Variants in PRKN observed in about 807,000 individuals in gnomAD.
PRKN encodes the protein parkin RBR E3 ubiquitin protein ligase, also known as E3 ubiquitin-protein ligase parkin.
PRKN carries 56 observed loss-of-function variants against 59.5 expected under a neutral mutation model. The ratio of observed to expected loss-of-function variants is 0.94; its 90% confidence interval spans 0.76 to 1.18. PRKN has a LOEUF of 1.18. Ranked by LOEUF, PRKN falls within the 50% of genes most tolerant of loss-of-function variation. The pLI is 0.00. For synonymous variants in PRKN, 250 were observed against 222.1 expected, an observed-to-expected ratio of 1.13 and a Z score of -1.12; for missense variants, 657 against 596.4, an observed-to-expected ratio of 1.10 and a Z score of -1.06.
chr6:162,561,518 T>C (rs561354859), intron 1 of PRKN, among the ~76,000 whole-genome samples: 1 of 152,236 alleles, frequency 6.6e-6, no homozygotes, highest in Admixed American at 6.5e-5. Flanking sequence ...CTCATGGTAC[T>C]TGATTTCCAC....
At chr6:162,356,854 C>T (rs1473877566) in intron 2 of PRKN, among the ~76,000 whole-genome samples, 1 of 150,368 alleles carries the variant, frequency 6.7e-6, no homozygotes, top group East Asian at 1.9e-4. Flanking sequence ...GACAAAGAGG[C>T]AAAGGCAATA....
intron 1 of PRKN, among the ~76,000 whole-genome samples, chr6:162,555,954 C>G (rs1004351305): frequency 3.9e-5 from 5 of 128,526 alleles, no homozygotes; most frequent in South Asian, 2.5e-4. Context: ...TGGCTCCAGC[C>G]TGGGCAACAA....
chr6:162,138,918 T>C (rs895898598), intron 4 of PRKN, among the ~76,000 whole-genome samples: 1 of 151,772 alleles, frequency 6.6e-6, no homozygotes, highest in South Asian at 2.1e-4. Context: ...ACAGGAGAAA[T>C]TGGTGCTGCC....
intron 4 of PRKN, among the ~76,000 whole-genome samples, chr6:162,168,083 A>C (rs1783071135): frequency 1.3e-5 from 2 of 152,208 alleles, no homozygotes; most frequent in Admixed American, 1.3e-4. Flanking sequence ...TTCTTGGAGT[A>C]AAATTCAAGG....
intron 5 of PRKN, among the ~76,000 whole-genome samples, chr6:162,019,067 T>G (rs1431613393): frequency 2.0e-5 from 3 of 152,160 alleles, no homozygotes; most frequent in African/African-American, 7.2e-5. Flanking sequence ...TACTGACTCA[T>G]ACAACATTTC....
At chr6:161,387,611 TAATATTTGTTTACATTC>T (rs1236374379) in intron 9 of PRKN, among the ~76,000 whole-genome samples, 1 of 152,252 alleles carries the variant, frequency 6.6e-6, no homozygotes, top group Non-Finnish European at 1.5e-5. Context: ...ACATTCCCTT[TAATATTTGTTTACATTC>T]AATATTTGTT....
rs1319438074 is a variant in PRKN at position 161,461,248 on chromosome 6, G to T, written c.1084-74371C>A. Among the ~76,000 whole-genome samples, 1 of 152,210 alleles carries T rather than the reference G, an allele frequency of 6.6e-6. No homozygotes were observed. Among genetic ancestry groups the T allele is most frequent in the African/African-American group, 2.4e-5 (1 of 41,446 alleles). On this transcript the variant is annotated intron_variant, in intron 9 of 11. Transcript: ENST00000366898. The surrounding 1 kb of genome is among the most constrained non-coding windows in gnomAD (Gnocchi z 5.1). Reference sequence around the variant, plus strand: ...TGGAGGTCTGAAAAGTACTCAGTGAGTTCCGGACCCGGAAATGGTTCAACA... The same window carrying T: ...TGGAGGTCTGAAAAGTACTCAGTGATTTCCGGACCCGGAAATGGTTCAACA...
At chr6:161,883,029 C>CAA (rs1295265349) in intron 6 of PRKN, among the ~76,000 whole-genome samples, 2 of 109,662 alleles carry the variant, frequency 1.8e-5, no homozygotes, top group African/African-American at 9.3e-5. Context: ...ACAACAACAA[C>CAA]AACAAAAAAA....
intron 7 of PRKN, among the ~76,000 whole-genome samples, chr6:161,606,668 T>G (rs1432902187): frequency 1.3e-5 from 2 of 152,172 alleles, no homozygotes; most frequent in Non-Finnish European, 2.9e-5. Flanking sequence ...AAAGCCTCAC[T>G]GTCTGCAGAA....
chr6:161,851,991 G>A (rs1793455924), intron 6 of PRKN, among the ~76,000 whole-genome samples: 1 of 151,268 alleles, frequency 6.6e-6, no homozygotes, highest in South Asian at 2.1e-4. Flanking sequence ...AGAGGCTGAG[G>A]CAGGAGAATC....
intron 1 of PRKN, among the ~76,000 whole-genome samples, chr6:162,697,909 C>T (rs915888535): frequency 6.6e-6 from 1 of 152,122 alleles, no homozygotes; most frequent in Non-Finnish European, 1.5e-5. Context: ...ATAAGGAGTA[C>T]TGAGTTGAAG....
chr6:161,627,645 GGT>G (rs1400197663), intron 7 of PRKN, among the ~76,000 whole-genome samples: 5 of 152,162 alleles, frequency 3.3e-5, no homozygotes, highest in Non-Finnish European at 7.4e-5. Flanking sequence ...GAGAATGAGT[GGT>G]GTTTCATGTC....
chr6:162,057,556 G>T (rs552392669), intron 4 of PRKN, among the ~76,000 whole-genome samples: 1 of 152,172 alleles, frequency 6.6e-6, no homozygotes, highest in Admixed American at 6.5e-5. Flanking sequence ...CCTTGATCAC[G>T]TTCATCAGCC....
At chr6:161,973,143 G>A (rs146563707) in intron 6 of PRKN, among the ~76,000 whole-genome samples, 159 bp downstream of exon 6, 469 of 152,136 alleles carry the variant, frequency 3.1e-3, no homozygotes, top group African/African-American at 9.0e-3. Flanking sequence ...TTGGGCAGAC[G>A]CATCAAAATA....
At chr6:162,298,884 C>T (rs1239052930) in intron 2 of PRKN, among the ~76,000 whole-genome samples, 2 of 152,132 alleles carry the variant, frequency 1.3e-5, no homozygotes, top group Non-Finnish European at 2.9e-5. Context: ...GGAGGTGCTG[C>T]CCCGCCATGT....
rs950001273 is a variant in PRKN, at chr6:161,471,993, A to T, written c.1083+76861T>A. On this transcript the variant is annotated intron_variant, in intron 9 of 11. Transcript: ENST00000366898. This position sits in a 1 kb window ranked among gnomAD's most constrained non-coding sequence, Gnocchi z 4.5. ...AAAAATACTGAAGCCTATGAAGAAGAAGTTCTCTCTCATTTGAAAAATTTT... is the reference window on the plus strand; with the variant it reads ...AAAAATACTGAAGCCTATGAAGAAGTAGTTCTCTCTCATTTGAAAAATTTT... Among the ~76,000 whole-genome samples, 1 of 152,152 alleles carries T rather than the reference A, an allele frequency of 6.6e-6. No individual in the cohort carries two copies. The highest frequency in any genetic ancestry group is 1.5e-5 in the Non-Finnish European group (1 of 68,036).
chr6:161,854,088 A>T (rs995404244), intron 6 of PRKN, among the ~76,000 whole-genome samples: 7 of 150,458 alleles, frequency 4.7e-5, no homozygotes, highest in African/African-American at 1.2e-4. Flanking sequence ...TCTACATAAA[A>T]AAAAAAAAAA....
intron 6 of PRKN, among the ~76,000 whole-genome samples, chr6:161,799,906 A>G (rs975206100): frequency 6.6e-6 from 1 of 152,126 alleles, no homozygotes; most frequent in Non-Finnish European, 1.5e-5. Flanking sequence ...AATGCTGGGC[A>G]TTTGTGAAGA....
At chr6:161,643,832 A>G (rs1027338905) in intron 7 of PRKN, among the ~76,000 whole-genome samples, 7 of 152,194 alleles carry the variant, frequency 4.6e-5, no homozygotes, top group African/African-American at 1.4e-4. Context: ...TAATAATAAC[A>G]ACAATGACAT....
Sources: allele counts gnomAD v4.1 joint callset (sites outside exome capture counted in the v4.1 genomes callset), GRCh38; gene constraint gnomAD v4.1.1; non-coding constraint Gnocchi (gnomAD v3.1); transcripts MANE v1.5; gene names NCBI Gene and HGNC (gene_info 2026-07-23, HGNC 2026-07-21).